The following ANGPT2 variants were observed in gnomAD, a reference collection of about 807,000 sequenced individuals.
The protein encoded by ANGPT2 is angiopoietin-2.
ANGPT2 carries 28 observed loss-of-function variants against 62.9 expected under a neutral mutation model. The ratio of observed to expected loss-of-function variants is 0.44; its 90% confidence interval spans 0.33 to 0.61. ANGPT2 has a LOEUF of 0.61. Among genes scored for constraint, ANGPT2 ranks in the 20% least tolerant of loss-of-function variants. ANGPT2 has a pLI of 0.03. For missense variants in ANGPT2, 727 were observed against 594.9 expected (o/e 1.22, Z -2.31); for synonymous variants, 284 against 207.8 (o/e 1.37, Z -3.15).
At chr8:6,518,001 T>G (rs911737811) in intron 5 of ANGPT2, among the ~76,000 whole-genome samples, 4 of 152,194 alleles carry the variant, frequency 2.6e-5, no homozygotes, top group African/African-American at 9.6e-5. Context: ...TCCTAATGTT[T>G]CCAACCATGA....
chr8:6,545,400 G>T (rs1405305395), intron 1 of ANGPT2, among the ~76,000 whole-genome samples: 1 of 152,164 alleles, frequency 6.6e-6, no homozygotes, highest in African/African-American at 2.4e-5. Flanking sequence ...TGAAATGTTT[G>T]ACAAGTTTTG....
rs994765331 is a variant in ANGPT2, at chr8:6,499,715, CTT to C, written c.*3384_*3385del. The C allele has an allele frequency of 5.2e-5, 38 of 733,622 alleles. No homozygotes were observed. In the African/African-American group the frequency reaches 6.4e-4, roughly 12 times the overall value. 45.4% of individuals were successfully genotyped at this position (733,622 alleles called of 1,614,324 possible). On this transcript the variant is annotated 3_prime_UTR_variant, in exon 9 of 9. Transcript: ENST00000629816. ...ATGCAACATGAAGATTCTGAAGGGACTTTGTTGTCTGAGAACACATCTATTTC... is the reference window on the plus strand; with the variant it reads ...ATGCAACATGAAGATTCTGAAGGGACTGTTGTCTGAGAACACATCTATTTC...
At chr8:6,519,531 A>G (rs1816902459) in intron 5 of ANGPT2, among the ~76,000 whole-genome samples, 1 of 152,188 alleles carries the variant, frequency 6.6e-6, no homozygotes, top group African/African-American at 2.4e-5. Flanking sequence ...TTTTTGGAAG[A>G]TACTTTCTTT....
In ANGPT2 at chr8:6,546,720, C is replaced by G. The variant is rs550705539; in HGVS notation, c.289-14233G>C. On this transcript the variant is annotated intron_variant, in intron 1 of 8. Transcript: ENST00000629816. ...CCCATGAGCTGAGAAAGTTTGAGAA[C>G]AACTAGCCTAGAAGCTTGCACTTGG... Among the ~76,000 whole-genome samples the G allele has an allele frequency of 3.2e-4, 48 of 152,276 alleles. 1 individual carries two copies. The South Asian group carries it at 1.0e-2, about 32-fold the overall frequency.
chr8:6,506,026 A>T (rs1813656445), intron 8 of ANGPT2, among the ~76,000 whole-genome samples: 1 of 145,600 alleles, frequency 6.9e-6, no homozygotes. Flanking sequence ...TATATATAAA[A>T]ACATATATAT....
intron 7 of ANGPT2, among the ~76,000 whole-genome samples, chr8:6,512,860 T>C (rs572018479): frequency 4.6e-5 from 7 of 152,204 alleles, no homozygotes; most frequent in Non-Finnish European, 1.0e-4. Context: ...GTATTTCCTG[T>C]AGAGGAGAGC....
chr8:6,553,319 G>A (rs1244092504), intron 1 of ANGPT2, among the ~76,000 whole-genome samples: 1 of 152,086 alleles, frequency 6.6e-6, no homozygotes, highest in Non-Finnish European at 1.5e-5. Context: ...AACAAGTAAA[G>A]CAACAACAAC....
chr8:6,541,126 T>C (rs1224989509), intron 1 of ANGPT2, among the ~76,000 whole-genome samples: 1 of 152,230 alleles, frequency 6.6e-6, no homozygotes, highest in African/African-American at 2.4e-5. Context: ...GCAAGGCCTG[T>C]CTCTGAGATG....
intron 1 of ANGPT2, among the ~76,000 whole-genome samples, chr8:6,539,567 G>A (rs1031289485): frequency 6.6e-6 from 1 of 152,006 alleles, no homozygotes; most frequent in Admixed American, 6.6e-5. Flanking sequence ...TAGCCTTTTT[G>A]CTTTTTTCTA....
intron 1 of ANGPT2, among the ~76,000 whole-genome samples, chr8:6,533,589 T>TTC (rs1554438382): frequency 5.4e-5 from 8 of 147,620 alleles, no homozygotes; most frequent in African/African-American, 1.0e-4. Context: ...TTTTTTTTTT[T>TTC]TTTAAATAAT....
intron 1 of ANGPT2, among the ~76,000 whole-genome samples, chr8:6,537,412 G>A (rs1820703353): frequency 6.6e-6 from 1 of 152,066 alleles, no homozygotes; most frequent in South Asian, 2.1e-4. Flanking sequence ...GAGGGCCACA[G>A]TGATCCTTCT....
In ANGPT2 at chr8:6,556,820, C is replaced by T. The variant is rs1356539370; in HGVS notation, c.288+5827G>A. ...ACCAGGCTGGTCTTGAACTCCTGGC[C>T]TCAAAGTGTCTTCCCATCTTGGCCT... is the stretch of plus-strand genomic sequence containing the variant. On this transcript the variant is annotated intron_variant, in intron 1 of 8. Coordinates refer to ENST00000629816, the MANE Select transcript of ANGPT2 (RefSeq NM_001118887.2). Among the ~76,000 whole-genome samples, 4 of 152,022 alleles carry T rather than the reference C, an allele frequency of 2.6e-5. 1 individual carries two copies. The East Asian group carries it at 7.7e-4, about 29-fold the overall frequency.
chr8:6,537,778 A>C (rs1409525807), intron 1 of ANGPT2, among the ~76,000 whole-genome samples: 1 of 152,128 alleles, frequency 6.6e-6, no homozygotes, highest in Non-Finnish European at 1.5e-5. Context: ...AGTAATCTTG[A>C]AACTGGCTCA....
intron 1 of ANGPT2, among the ~76,000 whole-genome samples, chr8:6,537,995 T>G (rs1820810058): frequency 6.6e-6 from 1 of 152,190 alleles, no homozygotes; most frequent in Non-Finnish European, 1.5e-5. Flanking sequence ...CTAAAGACCT[T>G]GAATTTTCTG....
intron 1 of ANGPT2, among the ~76,000 whole-genome samples, chr8:6,541,125 G>T (rs896065673): frequency 6.6e-6 from 1 of 152,238 alleles, no homozygotes. Flanking sequence ...GGCAAGGCCT[G>T]TCTCTGAGAT....
rs942800799 is a variant in ANGPT2, at chr8:6,500,241, A to C, written c.*2860T>G. 6.3e-5 allele frequency: 23 copies of C among 364,212 alleles called. No individual in the cohort carries two copies. Among genetic ancestry groups the C allele is most frequent in the Non-Finnish European group, 1.1e-4 (21 of 192,484 alleles). The allele number at this position is 364,212 out of a possible 1,614,324, so 22.6% of individuals were successfully genotyped here. A position where few individuals can be genotyped will look rare whatever the true frequency, so the allele number is the denominator to read the frequency against. On this transcript the variant is annotated 3_prime_UTR_variant, in exon 9 of 9. Coordinates refer to ENST00000629816, the MANE Select transcript of ANGPT2 (RefSeq NM_001118887.2). ...GGCAGGTAGTCTTATATCTTGCTTA[A>C]TGTTTTTACTGTTAATAGAAATAGA...
rs35519559 is a variant in ANGPT2, at chr8:6,526,257, T to TAAAA, written c.566+1294_566+1297dup. On this transcript the variant is annotated intron_variant, in intron 3 of 8. Transcript: ENST00000629816. ...CAATATGGCAAAACCTTGCCTCTAC[T>TAAAA]AAAAAAAAAAAAAAAAAAAAAAAAA... is the stretch of plus-strand genomic sequence containing the variant. 1.2e-4 allele frequency among the ~76,000 whole-genome samples: 9 copies of TAAAA among 77,500 alleles called. No individual in the cohort carries two copies. In the East Asian group the frequency reaches 1.5e-3, roughly 13 times the overall value. The allele number at this position is 77,500 out of a possible 152,430, so 50.8% of individuals were successfully genotyped here.
chr8:6,559,798 A>T (rs1414893693), intron 1 of ANGPT2, among the ~76,000 whole-genome samples: 4 of 152,218 alleles, frequency 2.6e-5, no homozygotes, highest in Non-Finnish European at 5.9e-5. Context: ...AGGATTAGCA[A>T]GAGAGACGTA....
At chr8:6,538,912 C>A (rs1001764592) in intron 1 of ANGPT2, among the ~76,000 whole-genome samples, 1 of 152,172 alleles carries the variant, frequency 6.6e-6, no homozygotes, top group East Asian at 1.9e-4. Flanking sequence ...ATTTGGGAGG[C>A]TTTTGACCTA....
Sources: gnomAD v4.1 joint callset for allele counts (sites outside exome capture counted in the v4.1 genomes callset) on GRCh38, gnomAD v4.1.1 for gene constraint, MANE v1.5 for transcripts, NCBI Gene and HGNC (gene_info 2026-07-23, HGNC 2026-07-21) for gene names.